The following SDK1 variants were observed in gnomAD, a reference collection of about 807,000 sequenced individuals.
SDK1 encodes protein sidekick-1.
A neutral mutation model predicts 245.5 loss-of-function variants in SDK1; 157 were observed. The observed-to-expected ratio is 0.64, with a 90% CI of 0.56 to 0.73. The LOEUF (loss-of-function observed/expected upper bound fraction) is 0.73, where lower values mean the gene tolerates loss of function less well. SDK1 is among the 30% of genes least tolerant of loss of function. SDK1 has a pLI of 0.00. For synonymous variants in SDK1, 1,647 were observed against 1,278.5 expected (o/e 1.29, Z -6.15); for missense variants, 3,583 against 3,002.3 (o/e 1.19, Z -4.52).
At chr7:3,651,913 C>T (rs1455989703) in intron 4 of SDK1, among the ~76,000 whole-genome samples, 1 of 152,122 alleles carries the variant, frequency 6.6e-6, no homozygotes, top group Admixed American at 6.5e-5. Context: ...GCTAAGCCAA[C>T]GATCCCAAGT....
intron 1 of SDK1, among the ~76,000 whole-genome samples, chr7:3,418,552 C>T (rs1043232593): frequency 2.6e-5 from 4 of 152,154 alleles, no homozygotes; most frequent in South Asian, 2.1e-4. Context: ...TTTAATCTCT[C>T]TGCTCTACAG....
At chr7:4,230,630 A>G (rs1016659954) in intron 40 of SDK1, among the ~76,000 whole-genome samples, 1 of 151,762 alleles carries the variant, frequency 6.6e-6, no homozygotes, top group Non-Finnish European at 1.5e-5. Context: ...TCATGGAAAG[A>G]TGGACAGAAG....
At chr7:4,104,977 T>G (rs1782805540) in intron 22 of SDK1, among the ~76,000 whole-genome samples, 1 of 151,910 alleles carries the variant, frequency 6.6e-6, no homozygotes, top group African/African-American at 2.4e-5. Flanking sequence ...GGAGCTGTGT[T>G]TTTATTTATT....
At chr7:3,875,152 G>A (rs1444561581) in intron 5 of SDK1, among the ~76,000 whole-genome samples, 1 of 152,132 alleles carries the variant, frequency 6.6e-6, no homozygotes, top group Non-Finnish European at 1.5e-5. Flanking sequence ...CAAATGGTTG[G>A]GTCTGTTTCT....
intron 5 of SDK1, among the ~76,000 whole-genome samples, chr7:3,882,219 G>C (rs770119648): frequency 6.6e-6 from 1 of 152,082 alleles, no homozygotes; most frequent in Non-Finnish European, 1.5e-5. Flanking sequence ...TCCAAAACAC[G>C]TGGGAATTCT....
At chr7:4,033,292 C>CTATACAAGGAT (rs1554314287) in intron 17 of SDK1, among the ~76,000 whole-genome samples, 1 of 152,170 alleles carries the variant, frequency 6.6e-6, no homozygotes, top group African/African-American at 2.4e-5. Flanking sequence ...TCCCTACCCC[C>CTATACAAGGAT]ATATACAAGG....
intron 5 of SDK1, among the ~76,000 whole-genome samples, chr7:3,914,986 T>A (rs978770528): frequency 2.0e-5 from 3 of 152,206 alleles, no homozygotes; most frequent in East Asian, 1.9e-4. Flanking sequence ...GAAACTTGAA[T>A]CAGAATCATG....
chr7:4,104,147 C>G (rs1274137017), intron 22 of SDK1, among the ~76,000 whole-genome samples: 1 of 152,170 alleles, frequency 6.6e-6, no homozygotes, highest in Non-Finnish European at 1.5e-5. Context: ...GCAGCCTAGA[C>G]CCTCAGAGCT....
At chr7:4,222,950 G>A (rs563259714) in intron 40 of SDK1, among the ~76,000 whole-genome samples, 3 of 152,216 alleles carry the variant, frequency 2.0e-5, no homozygotes, top group Middle Eastern at 3.4e-3. Flanking sequence ...GAGGCCAAGG[G>A]GGAGGGAGCT....
chr7:3,629,599 C>T (rs373955934), intron 2 of SDK1, among the ~76,000 whole-genome samples: 14 of 152,100 alleles, frequency 9.2e-5, no homozygotes, highest in African/African-American at 2.9e-4. Context: ...AATGATTAGC[C>T]CTAGACCAAA....
At chr7:3,987,032 G>C (rs577343514) in intron 13 of SDK1, among the ~76,000 whole-genome samples, 154 bp from the exon 14 acceptor site, 1 of 152,128 alleles carries the variant, frequency 6.6e-6, no homozygotes, top group Non-Finnish European at 1.5e-5. Flanking sequence ...TCCTTTTCTG[G>C]GGGGAAGAGA....
chr7:3,815,986 T>G (rs1334270321), intron 4 of SDK1, among the ~76,000 whole-genome samples: 1 of 143,470 alleles, frequency 7.0e-6, no homozygotes, highest in East Asian at 1.9e-4. Context: ...AACCTGCTCC[T>G]GAATGACTAC....
At chr7:3,680,557 T>A (rs532793681) in intron 4 of SDK1, among the ~76,000 whole-genome samples, 1 of 152,104 alleles carries the variant, frequency 6.6e-6, no homozygotes, top group Admixed American at 6.5e-5. Flanking sequence ...TTACATAAGG[T>A]TTTACTTTGG....
intron 4 of SDK1, among the ~76,000 whole-genome samples, chr7:3,721,756 C>T (rs951874610): frequency 1.3e-5 from 2 of 152,092 alleles, no homozygotes; most frequent in African/African-American, 4.8e-5. Flanking sequence ...GATACAGGAC[C>T]ATAAGAAAAG....
At chr7:4,003,833 G>T (rs1042215562) in intron 14 of SDK1, among the ~76,000 whole-genome samples, 1 of 152,256 alleles carries the variant, frequency 6.6e-6, no homozygotes, top group Non-Finnish European at 1.5e-5. Context: ...TGTGGTGGAG[G>T]GGAGCCTCTG....
At chr7:3,887,370 C>T (rs952544059) in intron 5 of SDK1, among the ~76,000 whole-genome samples, 1 of 152,184 alleles carries the variant, frequency 6.6e-6, no homozygotes, top group African/African-American at 2.4e-5. Flanking sequence ...GTACAATCTT[C>T]CTTGTGCCTC....
At chr7:3,352,164 C>G (rs888693834) in intron 1 of SDK1, among the ~76,000 whole-genome samples, 1 of 149,448 alleles carries the variant, frequency 6.7e-6, no homozygotes, top group African/African-American at 2.4e-5. Context: ...ATAAAAGTTT[C>G]ATTTAAAAAG....
intron 1 of SDK1, among the ~76,000 whole-genome samples, chr7:3,322,688 C>G (rs982173814): frequency 2.6e-5 from 4 of 152,142 alleles, no homozygotes; most frequent in Non-Finnish European, 5.9e-5. Flanking sequence ...ATAATCTGAG[C>G]TTTGTTTTCC....
chr7:3,403,766 G>GACTGGAT (rs1778952646), intron 1 of SDK1, among the ~76,000 whole-genome samples: 1 of 143,166 alleles, frequency 7.0e-6, no homozygotes. Flanking sequence ...CTGTGCGTCT[G>GACTGGAT]ACTGGATACT....
Sources: allele counts gnomAD v4.1 joint callset (sites outside exome capture counted in the v4.1 genomes callset), GRCh38; gene constraint gnomAD v4.1.1; transcripts MANE v1.5; gene names NCBI Gene and HGNC (gene_info 2026-07-23, HGNC 2026-07-21).